ABCA8: variants seen among roughly 807,000 people sequenced by gnomAD.
The protein encoded by ABCA8 is ABC-type organic anion transporter ABCA8.
A neutral mutation model predicts 192.3 loss-of-function variants in ABCA8; 177 were observed. The observed-to-expected ratio is 0.92, with a 90% CI of 0.81 to 1.04. ABCA8 has a LOEUF of 1.04. Ranked by LOEUF, ABCA8 falls within the 50% of genes least tolerant of loss-of-function variation. The pLI is 0.00. For synonymous variants in ABCA8, 642 were observed against 690.2 expected, an observed-to-expected ratio of 0.93 and a Z score of 1.09; for missense variants, 1,915 against 1,904.8, an observed-to-expected ratio of 1.01 and a Z score of -0.10.
intron 19 of ABCA8, 85 bp from the exon 20 acceptor site, chr17:68,903,584 C>G (rs3744495): frequency 0.44 from 558,386 of 1,269,748 alleles, 125,145 homozygotes; most frequent in Admixed American, 0.55. Flanking sequence ...CATGATTAGA[C>G]TCTTCCGCGT....
At chr17:68,882,485 G>T in intron 30 of ABCA8, 114 bp downstream of exon 30, 3 of 880,546 alleles carry the variant, frequency 3.4e-6, no homozygotes, top group Middle Eastern at 2.6e-4. Flanking sequence ...CGTAAAAATG[G>T]CAATTACCTA....
chr17:68,903,173 T>C (rs2066959207), intron 20 of ABCA8, 128 bp downstream of exon 20: 1 of 1,000,748 alleles, frequency 1.0e-6, no homozygotes, highest in East Asian at 2.5e-5. Context: ...CTTCTTCCAC[T>C]GTGATGCTTT....
chr17:68,953,814 A>T (rs887064015), intron 1 of ABCA8, among the ~76,000 whole-genome samples: 1 of 151,606 alleles, frequency 6.6e-6, no homozygotes, highest in Non-Finnish European at 1.5e-5. Flanking sequence ...ATGTGCTACT[A>T]CTCCTACCGG....
rs770691654 is a variant in ABCA8 at position 68,891,598 on chromosome 17, T to C, written c.3037-2A>G. On this transcript the variant is annotated splice_acceptor_variant, in intron 23 of 39. Coordinates refer to ENST00000586539, the MANE Select transcript of ABCA8 (RefSeq NM_001288985.2). LOFTEE classifies it high-confidence loss of function. ...TCCGATTGGATTGTCCTGTCCATTC[T>C]GAAAAACCCAAAGAATACAATGAAC... 10 of 1,600,798 alleles carry C rather than the reference T, an allele frequency of 6.2e-6. No homozygotes were observed. The highest frequency in any genetic ancestry group is 7.7e-6 in the Non-Finnish European group (9 of 1,172,730).
At chr17:68,935,069 T>TAAAC (rs1291651221) in intron 5 of ABCA8, among the ~76,000 whole-genome samples, 2 of 151,556 alleles carry the variant, frequency 1.3e-5, no homozygotes, top group African/African-American at 4.8e-5. Context: ...TTTTCTGTTA[T>TAAAC]AAACACTTTA....
chr17:68,883,971 A>G, intron 28 of ABCA8, 89 bp from the exon 29 acceptor site: 2 of 818,468 alleles, frequency 2.4e-6, no homozygotes, highest in Non-Finnish European at 3.8e-6. Context: ...AACTTCTAAA[A>G]AAATACATTC....
chr17:68,910,314 T>C (rs781276172), intron 17 of ABCA8, among the ~76,000 whole-genome samples: 35 of 152,160 alleles, frequency 2.3e-4, no homozygotes, highest in Non-Finnish European at 5.9e-5. Context: ...TGTTGTATGC[T>C]TGGGGGAGGG....
At chr17:68,876,241 G>C in intron 35 of ABCA8, 2 of 606,274 alleles carry the variant, frequency 3.3e-6, no homozygotes, top group Non-Finnish European at 5.7e-6. Context: ...AGACCTATGG[G>C]CCCTAACAAT....
rs550365227 is a variant in ABCA8, at chr17:68,877,952, A to T, written c.4039-273T>A. On this transcript the variant is annotated intron_variant, in intron 32 of 39. Transcript: ENST00000586539. ...CCATCCTGGCCAACAGTTTATATCC[A>T]TTTTTTTTAAATCACTGTCAAAATG... The T allele has an allele frequency of 1.7e-4, 55 of 327,752 alleles. 1 individual carries two copies. The highest frequency in any genetic ancestry group is 1.4e-3 in the Admixed American group (29 of 21,058). 20.3% of individuals were successfully genotyped at this position (327,752 alleles called of 1,614,324 possible).
chr17:68,918,149 G>A lies in ABCA8; in HGVS notation c.1945C>T (p.Pro649Ser). 1 of 1,614,144 alleles carries A rather than the reference G, an allele frequency of 6.2e-7. No individual in the cohort carries two copies. The highest frequency in any genetic ancestry group is 8.5e-7 in the Non-Finnish European group (1 of 1,180,008). The change falls in exon 16 of 40, where the codon CCC becomes TCC. Residue 649 changes from proline (P) to serine (S), a missense_variant. Physicochemically the swap from Pro to Ser is moderately conservative, Grantham distance 74. Coordinates refer to ENST00000586539, the MANE Select transcript of ABCA8 (RefSeq NM_001288985.2). The stretch of plus-strand genomic sequence containing the variant: ...TTCCATACTTGGTGTCTTGAAAAGG[G>A]ATCCAATCCAGCAGTTGGTTCATCC... ...LLDEPTAGLD[P>S]FSRHQVWNLL...
In ABCA8 at chr17:68,917,360, C is replaced by T; in HGVS notation, c.2138+1G>A. 1 of 1,604,432 alleles carries T rather than the reference C, an allele frequency of 6.2e-7. No individual in the cohort carries two copies. The highest frequency in any genetic ancestry group is 2.2e-5 in the East Asian group (1 of 44,744). ...CTCCCAGCCTTCTTAAGTGACCTTA[C>T]CTTAAGTGATATCCAATCCCCCATT... On this transcript the variant is annotated splice_donor_variant, in intron 17 of 39. Coordinates refer to ENST00000586539, the MANE Select transcript of ABCA8 (RefSeq NM_001288985.2). LOFTEE classifies it high-confidence loss of function.
chr17:68,948,705 GATGATAGTTTATTTT>G (rs1307910157), intron 2 of ABCA8, among the ~76,000 whole-genome samples: 3 of 152,152 alleles, frequency 2.0e-5, no homozygotes, highest in Non-Finnish European at 4.4e-5. Flanking sequence ...TGTTCACGCT[GATGATAGTTTATTTT>G]GCTGTGCAGA....
intron 17 of ABCA8, among the ~76,000 whole-genome samples, chr17:68,916,688 G>C (rs2067374985): frequency 6.6e-6 from 1 of 151,790 alleles, no homozygotes; most frequent in Non-Finnish European, 1.5e-5. Flanking sequence ...GGAAGATCTA[G>C]AAGGAGTGGA....
chr17:68,948,402 C>G (rs892484600), intron 2 of ABCA8, among the ~76,000 whole-genome samples: 1 of 152,162 alleles, frequency 6.6e-6, no homozygotes, highest in African/African-American at 2.4e-5. Context: ...GTCTTGTCAG[C>G]ATCTATTGTT....
In ABCA8 at chr17:68,941,935, A is replaced by G. The variant is rs111245972; in HGVS notation, c.96+4T>C. 10 of 1,589,484 alleles carry G rather than the reference A, an allele frequency of 6.3e-6. No individual in the cohort carries two copies. The East Asian group carries it at 2.2e-4, about 36-fold the overall frequency. On this transcript the variant is annotated splice_donor_region_variant and intron_variant, in intron 3 of 39. Transcript: ENST00000586539. ...TAGAGAATAACACGGATATTGAGTC[A>G]TACCATTAAGGACTCTCTTTTCATT...
chr17:68,872,252 TA>T (rs1285227998), intron 37 of ABCA8, among the ~76,000 whole-genome samples: 1 of 152,050 alleles, frequency 6.6e-6, no homozygotes, highest in Non-Finnish European at 1.5e-5. Context: ...TATGCAGCCA[TA>T]AAAAATGATG....
chr17:68,944,603 C>T (rs1049512393), intron 2 of ABCA8: 2 of 151,820 alleles, frequency 1.3e-5, no homozygotes, highest in African/African-American at 2.4e-5. Flanking sequence ...CTTCCCCCAA[C>T]CTTTACTCCT....
At position 68,925,041 on chromosome 17, in the gene ABCA8, G is replaced by C. The variant is rs201031056; in HGVS notation, c.1274-172C>G. 1.2e-4 allele frequency among the ~76,000 whole-genome samples: 18 copies of C among 152,234 alleles called. No homozygotes were observed. In the East Asian group the frequency reaches 3.5e-3, roughly 29 times the overall value. On this transcript the variant is annotated intron_variant, in intron 10 of 39. Coordinates refer to ENST00000586539, the MANE Select transcript of ABCA8 (RefSeq NM_001288985.2). The stretch of plus-strand genomic sequence containing the variant: ...GCTTCATAAGGAAAAAAAAATACCA[G>C]ATGTCTCTACTATAATAAATCCTAT...
intron 24 of ABCA8, among the ~76,000 whole-genome samples, chr17:68,889,580 A>G (rs2066576194): frequency 6.6e-6 from 1 of 152,168 alleles, no homozygotes; most frequent in South Asian, 2.1e-4. Context: ...AAAAGTACCC[A>G]TACTAAGTAT....
Sources: gnomAD v4.1 joint callset for allele counts (sites outside exome capture counted in the v4.1 genomes callset) on GRCh38, gnomAD v4.1.1 for gene constraint, MANE v1.5 for transcripts, NCBI Gene and HGNC (gene_info 2026-07-23, HGNC 2026-07-21) for gene names.